Variants in MIA2 observed in about 807,000 individuals in gnomAD.
The protein encoded by MIA2 is melanoma inhibitory activity protein 2.
In MIA2, 127 loss-of-function variants were observed where a neutral mutation model predicts 167.8. The ratio of observed to expected loss-of-function variants is 0.76; its 90% CI spans 0.66 to 0.88. The LOEUF (loss-of-function observed/expected upper bound fraction) is 0.88. MIA2 is among the 40% of genes least tolerant of loss of function. MIA2 has a pLI of 0.00. For synonymous variants in MIA2, 552 were observed against 541.9 expected, an observed-to-expected ratio of 1.02 and a Z score of -0.26; for missense variants, 1,690 against 1,624.7, an observed-to-expected ratio of 1.04 and a Z score of -0.69.
chr14:39,317,875 A>G (rs1033869345), intron 21 of MIA2, 69 bp from the exon 22 acceptor site: 1 of 983,340 alleles, frequency 1.0e-6, no homozygotes, highest in Admixed American at 3.0e-5. Flanking sequence ...GAATGTTTAT[A>G]TTGACATATT....
intron 23 of MIA2, among the ~76,000 whole-genome samples, chr14:39,366,123 G>A (rs771630476): frequency 3.3e-5 from 5 of 152,132 alleles, no homozygotes; most frequent in South Asian, 2.1e-4. Flanking sequence ...TTCATCAGTC[G>A]CTTAGGCTGT....
In MIA2 at chr14:39,288,468, TA is replaced by T. The variant is rs1566748499; in HGVS notation, c.2131-2550del. Among the ~76,000 whole-genome samples the T allele has an allele frequency of 2.7e-3, 119 of 44,140 alleles. 1 individual carries two copies. Among genetic ancestry groups the T allele is most frequent in the African/African-American group, 0.012 (95 of 7,918 alleles). 29.0% of individuals were successfully genotyped at this position (44,140 alleles called of 152,430 possible). A position where few individuals can be genotyped will look rare whatever the true frequency, so the allele number is the denominator to read the frequency against. The stretch of plus-strand genomic sequence containing the variant: ...ATATATATATATATATATATATATA[TA>T]TATATATTTTTTTTTTTTTTTTTGA... On this transcript the variant is annotated intron_variant, in intron 9 of 28. Coordinates refer to ENST00000640607, the MANE Select transcript of MIA2 (RefSeq NM_001329214.4).
At chr14:39,261,081 C>T (rs534725977) in intron 6 of MIA2, among the ~76,000 whole-genome samples, 1 of 151,980 alleles carries the variant, frequency 6.6e-6, no homozygotes, top group African/African-American at 2.4e-5. Flanking sequence ...TGTTGGTGTG[C>T]TGCACCCATT....
At chr14:39,346,480 A>G (rs2073277394) in intron 26 of MIA2, among the ~76,000 whole-genome samples, 1 of 152,094 alleles carries the variant, frequency 6.6e-6, no homozygotes, top group Non-Finnish European at 1.5e-5. Context: ...TGAGCAATCT[A>G]CTATTTGTCA....
chr14:39,299,948 G>A lies in MIA2; in HGVS notation c.2581G>A (p.Ala861Thr), dbSNP rs1215706543. The A allele has an allele frequency of 6.2e-7, 1 of 1,608,528 alleles. No homozygotes were observed. Among genetic ancestry groups the A allele is most frequent in the East Asian group, 2.3e-5 (1 of 44,332 alleles). The part of the protein sequence containing the change: ...KVTFEDSKVH[A>T]EQVLNDKESH... Reference sequence around the variant, plus strand: ...AACATTTGAAGACTCCAAAGTACATGCAGAACAAGTTCTAAATGATAAAGA... The same window carrying A: ...AACATTTGAAGACTCCAAAGTACATACAGAACAAGTTCTAAATGATAAAGA... Residue 861 changes from alanine (A) to threonine (T), a missense_variant, in exon 14 of 29, where the codon GCA (alanine) becomes ACA (threonine). Physicochemically the swap from Ala to Thr is moderately conservative, Grantham distance 58. Coordinates refer to ENST00000640607, the MANE Select transcript of MIA2 (RefSeq NM_001329214.4).
chr14:39,246,821 A>G (rs2054336275), intron 3 of MIA2, 90 bp from the exon 4 acceptor site: 1 of 695,410 alleles, frequency 1.4e-6, no homozygotes, highest in Non-Finnish European at 2.3e-6. Context: ...TGTCTTGGGA[A>G]TATCACAATC....
chr14:39,272,333 C>A (rs1307997575), intron 6 of MIA2, among the ~76,000 whole-genome samples: 2 of 152,006 alleles, frequency 1.3e-5, no homozygotes, highest in African/African-American at 4.8e-5. Flanking sequence ...TCCTGGGTGA[C>A]AGGGCGAGAC....
intron 24 of MIA2, among the ~76,000 whole-genome samples, chr14:39,325,073 A>G (rs537419891): frequency 2.1e-4 from 32 of 152,260 alleles, no homozygotes; most frequent in African/African-American, 7.7e-4. Context: ...AAATACAACA[A>G]TTAACAAAGC....
At chr14:39,297,370 G>A (rs906735726) in intron 13 of MIA2, among the ~76,000 whole-genome samples, 2 of 152,214 alleles carry the variant, frequency 1.3e-5, no homozygotes, top group African/African-American at 2.4e-5. Context: ...GGGATTACAC[G>A]CATGAGCCAC....
intron 19 of MIA2, 26 bp from the exon 20 acceptor site, chr14:39,314,710 ATAG>A (rs747544974): frequency 5.8e-6 from 9 of 1,552,172 alleles, no homozygotes; most frequent in Admixed American, 1.7e-5. Flanking sequence ...TTATATGTTA[ATAG>A]TAGAATAATT....
chr14:39,265,618 G>C, intron 6 of MIA2: 1 of 461,660 alleles, frequency 2.2e-6, no homozygotes, highest in Admixed American at 4.3e-5. Context: ...GAGTGACTTA[G>C]GGAGGGCAAA....
Position 39,299,068 on chromosome 14 carries a change from T to TAAA in MIA2, c.2497-769_2497-767dup, listed in dbSNP as rs3065043. ...GACAGAATGAGACCCTCCCTGCCTC[T>TAAA]AAAAAAAAAAAAAAAAAAAAAAAAA... On this transcript the variant is annotated intron_variant, in intron 13 of 28. Coordinates refer to ENST00000640607, the MANE Select transcript of MIA2 (RefSeq NM_001329214.4). 1.9e-3 allele frequency among the ~76,000 whole-genome samples: 84 copies of TAAA among 44,026 alleles called. 1 individual carries two copies. Among genetic ancestry groups the TAAA allele is most frequent in the African/African-American group, 6.2e-3 (75 of 12,122 alleles). The allele number at this position is 44,026 out of a possible 152,430, so 28.9% of individuals were successfully genotyped here. A position where few individuals can be genotyped will look rare whatever the true frequency, so the allele number is the denominator to read the frequency against.
intron 23 of MIA2, among the ~76,000 whole-genome samples, chr14:39,369,418 A>T (rs980462632): frequency 6.6e-6 from 1 of 152,254 alleles, no homozygotes; most frequent in African/African-American, 2.4e-5. Flanking sequence ...GGTATTCTAT[A>T]TACAGATCTT....
chr14:39,259,741 G>A (rs941925063), intron 6 of MIA2, among the ~76,000 whole-genome samples: 1 of 146,552 alleles, frequency 6.8e-6, no homozygotes, highest in Non-Finnish European at 1.5e-5. Context: ...TAAGTTCTAG[G>A]GTACATGTGC....
chr14:39,261,380 A>G (rs2152655578), intron 6 of MIA2, among the ~76,000 whole-genome samples: 1 of 152,246 alleles, frequency 6.6e-6, no homozygotes, highest in African/African-American at 2.4e-5. Context: ...TTCTTAATCC[A>G]GTCTATCATT....
chr14:39,369,150 CT>C (rs2074884320), intron 23 of MIA2, among the ~76,000 whole-genome samples: 1 of 152,060 alleles, frequency 6.6e-6, no homozygotes, highest in Non-Finnish European at 1.5e-5. Flanking sequence ...ACTGGGAGAT[CT>C]TTTTTCTTGT....
intron 3 of MIA2, among the ~76,000 whole-genome samples, chr14:39,244,905 G>A (rs2054220645): frequency 6.6e-6 from 1 of 151,830 alleles, no homozygotes; most frequent in Non-Finnish European, 1.5e-5. Flanking sequence ...AGCCTCCAGA[G>A]TAGCTGGGAC....
At chr14:39,386,319 C>T (rs1169867695) in intron 23 of MIA2, 24 of 1,490,446 alleles carry the variant, frequency 1.6e-5, no homozygotes, top group Admixed American at 6.7e-5. Flanking sequence ...GTGCTGGGAC[C>T]ATCACTGATA....
intron 24 of MIA2, among the ~76,000 whole-genome samples, chr14:39,324,896 C>T (rs958815784): frequency 2.0e-5 from 3 of 152,136 alleles, no homozygotes; most frequent in Non-Finnish European, 4.4e-5. Context: ...CATGAGCCAT[C>T]ACGCCTGGCT....
Sources: gnomAD v4.1 joint callset for allele counts (sites outside exome capture counted in the v4.1 genomes callset) on GRCh38, gnomAD v4.1.1 for gene constraint, MANE v1.5 for transcripts, NCBI Gene and HGNC (gene_info 2026-07-23, HGNC 2026-07-21) for gene names.